Variants in LRRC28 observed in about 807,000 individuals in gnomAD.
The protein encoded by LRRC28 is leucine-rich repeat-containing protein 28.
LRRC28 carries 39 observed loss-of-function variants against 45.7 expected under a neutral mutation model. The ratio of observed to expected loss-of-function variants is 0.85; its 90% CI spans 0.66 to 1.12. LRRC28 has a LOEUF of 1.12. Among genes scored for constraint, LRRC28 ranks in the 50% most tolerant of loss-of-function variants. The probability of loss-of-function intolerance (pLI) is 0.00; values close to 1 mark genes in which losing one functional copy is unlikely to be tolerated. For missense variants in LRRC28, 435 were observed against 438.5 expected, an observed-to-expected ratio of 0.99 and a Z score of 0.07; for synonymous variants, 206 against 178.8, an observed-to-expected ratio of 1.15 and a Z score of -1.22.
intron 5 of LRRC28, among the ~76,000 whole-genome samples, chr15:99,319,728 A>G (rs1447232738): frequency 1.3e-5 from 2 of 151,748 alleles, no homozygotes; most frequent in African/African-American, 4.8e-5. Context: ...CAAGCTTGGC[A>G]CCTAGACATA....
chr15:99,347,273 T>A (rs565690991), intron 6 of LRRC28, among the ~76,000 whole-genome samples: 1 of 151,882 alleles, frequency 6.6e-6, no homozygotes, highest in Non-Finnish European at 1.5e-5. Flanking sequence ...GCAGTGGTGC[T>A]ATCTCGGCTC....
At chr15:99,311,331 T>C (rs1464948888) in intron 5 of LRRC28, among the ~76,000 whole-genome samples, 2 of 152,216 alleles carry the variant, frequency 1.3e-5, no homozygotes, top group South Asian at 2.1e-4. Context: ...CTTTCGTTGC[T>C]TTACGTGAAT....
chr15:99,252,056 T>G (rs577849420), intron 1 of LRRC28: 1 of 152,188 alleles, frequency 6.6e-6, no homozygotes, highest in Non-Finnish European at 1.5e-5. Flanking sequence ...AGGTTTTTGA[T>G]TTTTTTGTTT....
intron 9 of LRRC28, among the ~76,000 whole-genome samples, chr15:99,370,328 C>A (rs1597450489): frequency 1.3e-5 from 2 of 152,134 alleles, no homozygotes; most frequent in East Asian, 1.9e-4. Flanking sequence ...ATTAAATATT[C>A]TCTAACATTA....
chr15:99,309,913 TTAAAAACCATTTCCCAC>T (rs1176633506), intron 5 of LRRC28, among the ~76,000 whole-genome samples: 3 of 152,184 alleles, frequency 2.0e-5, no homozygotes, highest in Admixed American at 6.5e-5. Context: ...ATTAAAGCCT[TTAAAAACCATTTCCCAC>T]TAAAATGAAC....
intron 5 of LRRC28, among the ~76,000 whole-genome samples, chr15:99,309,491 C>G (rs1955319407): frequency 6.6e-6 from 1 of 152,204 alleles, no homozygotes; most frequent in Admixed American, 6.5e-5. Flanking sequence ...TCACTGCAAC[C>G]TCTGCCTCCT....
chr15:99,308,955 T>G (rs1955295973), intron 5 of LRRC28, among the ~76,000 whole-genome samples: 2 of 152,190 alleles, frequency 1.3e-5, no homozygotes, highest in Non-Finnish European at 2.9e-5. Context: ...GAGAAAGAAT[T>G]AATTCTACTA....
intron 5 of LRRC28, chr15:99,320,520 C>T (rs1206127430): frequency 1.3e-5 from 2 of 152,200 alleles, no homozygotes; most frequent in East Asian, 3.8e-4. Context: ...AGTTTCCCAA[C>T]ACCTGGTTAA....
At chr15:99,366,865 G>A (rs572214099) in intron 9 of LRRC28, among the ~76,000 whole-genome samples, 37 of 149,828 alleles carry the variant, frequency 2.5e-4, no homozygotes, top group South Asian at 2.2e-3. Context: ...AACAGTCTGC[G>A]TTCTGGCCCC....
intron 9 of LRRC28, among the ~76,000 whole-genome samples, chr15:99,382,937 A>C (rs534629076): frequency 4.6e-5 from 7 of 151,962 alleles, no homozygotes; most frequent in Non-Finnish European, 7.4e-5. Flanking sequence ...TTCTCCTTTC[A>C]TCTCTCTTAT....
intron 2 of LRRC28, chr15:99,258,045 A>G: frequency 7.6e-7 from 1 of 1,318,950 alleles, no homozygotes; most frequent in South Asian, 1.2e-5. Flanking sequence ...GATAAGGTGA[A>G]GAACCTACTG....
chr15:99,270,889 A>G (rs191626351), intron 2 of LRRC28, among the ~76,000 whole-genome samples: 31 of 152,328 alleles, frequency 2.0e-4, no homozygotes, highest in African/African-American at 5.5e-4. Flanking sequence ...GCAGTGCACA[A>G]TGGTTCCAGT....
At chr15:99,357,089 T>G (rs73464667) in intron 7 of LRRC28, among the ~76,000 whole-genome samples, 1 of 152,176 alleles carries the variant, frequency 6.6e-6, no homozygotes, top group Non-Finnish European at 1.5e-5. Flanking sequence ...AGAAAAACTT[T>G]TTTGCTAAAA....
intron 8 of LRRC28, 39 bp downstream of exon 8, chr15:99,361,550 T>C: frequency 1.3e-6 from 2 of 1,535,990 alleles, no homozygotes. Context: ...TTCTCTCTCA[T>C]TTAGTGAACA....
intron 2 of LRRC28, among the ~76,000 whole-genome samples, chr15:99,265,078 C>A: frequency 6.6e-6 from 1 of 152,074 alleles, no homozygotes; most frequent in Non-Finnish European, 1.5e-5. Context: ...TTTGAAGACT[C>A]ACATGGCAGT....
rs12593192 is a variant in LRRC28 at position 99,273,473 on chromosome 15, G to A, written c.169-3103G>A. 3.9e-3 allele frequency among the ~76,000 whole-genome samples: 577 copies of A among 148,986 alleles called. 6 individuals carry two copies. The highest frequency in any genetic ancestry group is 0.014 in the African/African-American group (546 of 38,554). On this transcript the variant is annotated intron_variant, in intron 2 of 9. Transcript: ENST00000301981. The stretch of plus-strand genomic sequence containing the variant: ...AGGATGGTCTTGATCTGCTGACCTC[G>A]TGATCTGCCCGCCTCGGCCTCCCAA...
chr15:99,373,292 T>C (rs1456756465), intron 9 of LRRC28, among the ~76,000 whole-genome samples: 1 of 152,168 alleles, frequency 6.6e-6, no homozygotes, highest in African/African-American at 2.4e-5. Flanking sequence ...CAATTGTGAT[T>C]TATTCAAATG....
At chr15:99,360,813 C>T (rs1366179666) in intron 7 of LRRC28, among the ~76,000 whole-genome samples, 2 of 152,158 alleles carry the variant, frequency 1.3e-5, no homozygotes, top group Non-Finnish European at 2.9e-5. Context: ...CATGACTTGG[C>T]TTATTGAGTA....
At chr15:99,273,568 G>A (rs997618207) in intron 2 of LRRC28, among the ~76,000 whole-genome samples, 1 of 152,106 alleles carries the variant, frequency 6.6e-6, no homozygotes, top group African/African-American at 2.4e-5. Context: ...TTATTCTAAT[G>A]AACTGCAATT....
Sources: gnomAD v4.1 joint callset for allele counts (sites outside exome capture counted in the v4.1 genomes callset) on GRCh38, gnomAD v4.1.1 for gene constraint, MANE v1.5 for transcripts, NCBI Gene and HGNC (gene_info 2026-07-23, HGNC 2026-07-21) for gene names.